The following NEDD4 variants were observed in gnomAD, a reference collection of about 807,000 sequenced individuals.
The protein encoded by NEDD4 is NEDD4 E3 ubiquitin protein ligase, also known as E3 ubiquitin-protein ligase NEDD4.
NEDD4 carries 99 observed loss-of-function variants against 144.9 expected under a neutral mutation model. The observed-to-expected ratio is 0.68, with a 90% confidence interval of 0.58 to 0.81. The LOEUF is 0.81. Ranked by LOEUF, NEDD4 falls within the 30% of genes least tolerant of loss-of-function variation. NEDD4 has a pLI of 0.00. For synonymous variants in NEDD4, 318 were observed against 350.6 expected (o/e 0.91, Z 1.04); for missense variants, 985 against 1,065.9 (o/e 0.92, Z 1.06).
intron 5 of NEDD4, among the ~76,000 whole-genome samples, chr15:55,887,858 A>G (rs1289965711): frequency 1.3e-5 from 2 of 152,258 alleles, no homozygotes; most frequent in Non-Finnish European, 2.9e-5. Flanking sequence ...GATACAACAC[A>G]TCAACAGAAT....
intron 4 of NEDD4, among the ~76,000 whole-genome samples, chr15:55,927,752 C>A (rs1198161541): frequency 6.6e-6 from 1 of 152,104 alleles, no homozygotes; most frequent in East Asian, 1.9e-4. Flanking sequence ...ATGAATTGGA[C>A]TGGAGACAGA....
At chr15:55,993,247 G>T (rs1471144622) in intron 1 of NEDD4, among the ~76,000 whole-genome samples, 1 of 152,148 alleles carries the variant, frequency 6.6e-6, no homozygotes, top group Non-Finnish European at 1.5e-5. Context: ...CTTCCTGAAG[G>T]AAACTGACAA....
rs571799816 is a variant in NEDD4 at position 55,866,467 on chromosome 15, G to A, written c.507+3112C>T. On this transcript the variant is annotated intron_variant, in intron 8 of 28. Coordinates refer to ENST00000435532, the MANE Select transcript of NEDD4 (RefSeq NM_006154.4). Reference sequence around the variant, plus strand: ...GTTTCTGGTTTCAATCCCAAAACACGTTAAGTTTTTATATTTTACTCTTTT... The same window carrying A: ...GTTTCTGGTTTCAATCCCAAAACACATTAAGTTTTTATATTTTACTCTTTT... Among the ~76,000 whole-genome samples, 7 of 151,770 alleles carry A rather than the reference G, an allele frequency of 4.6e-5. No homozygotes were observed. In the South Asian group the frequency reaches 8.3e-4, roughly 18 times the overall value.
intron 4 of NEDD4, among the ~76,000 whole-genome samples, chr15:55,942,159 C>T (rs760391997): frequency 7.2e-4 from 110 of 151,728 alleles, no homozygotes; most frequent in Non-Finnish European, 1.4e-3. Context: ...ATTTTGACTT[C>T]GTAATTTTAA....
At chr15:55,892,008 G>A (rs2035584297) in intron 5 of NEDD4, among the ~76,000 whole-genome samples, 1 of 152,102 alleles carries the variant, frequency 6.6e-6, no homozygotes, top group Non-Finnish European at 1.5e-5. Context: ...GCTCATGCCT[G>A]TAATCCTAAC....
intron 5 of NEDD4, chr15:55,915,768 A>G: frequency 2.5e-6 from 4 of 1,613,760 alleles, no homozygotes; most frequent in Non-Finnish European, 3.4e-6. Flanking sequence ...ATTCGAAAGA[A>G]CAATTTTCTT....
chr15:55,941,816 G>C (rs906227039), intron 4 of NEDD4, among the ~76,000 whole-genome samples: 2 of 152,048 alleles, frequency 1.3e-5, no homozygotes, highest in Non-Finnish European at 2.9e-5. Context: ...CAAGTGATAT[G>C]CCTGCATCGG....
At chr15:55,839,987 AAAAAAAAAAAAAATATATATATATAT>A (rs1417513292) in intron 21 of NEDD4, among the ~76,000 whole-genome samples, 12 of 51,360 alleles carry the variant, frequency 2.3e-4, no homozygotes, top group African/African-American at 8.7e-4. Context: ...AAAAAAAAAA[AAAAAAAAAAAAAATATATATATATAT>A]ATATATATAT....
chr15:55,860,647 G>A lies in NEDD4; in HGVS notation c.792+14C>T. The A allele has an allele frequency of 6.2e-7, 1 of 1,613,784 alleles. No homozygotes were observed. The highest frequency in any genetic ancestry group is 1.1e-5 in the South Asian group (1 of 91,054). On this transcript the variant is annotated intron_variant, in intron 10 of 28. Transcript: ENST00000435532. ...GCATGTGTCTTTCAAGGAGAACTAGGAAACTACTTATACCTCGGAAGACTC... is the reference window on the plus strand; with the variant it reads ...GCATGTGTCTTTCAAGGAGAACTAGAAAACTACTTATACCTCGGAAGACTC...
rs565669392 is a variant in NEDD4 at position 55,835,967 on chromosome 15, T to C, written c.2263-1681A>G. Reference sequence around the variant, plus strand: ...ACTCTACCACTTCACACACAGGCCCTGTATAAGCTGGTCTGTTAGCTCCGC... The same window carrying C: ...ACTCTACCACTTCACACACAGGCCCCGTATAAGCTGGTCTGTTAGCTCCGC... On this transcript the variant is annotated intron_variant, in intron 24 of 28. Transcript: ENST00000435532. Among the ~76,000 whole-genome samples, 56 of 152,060 alleles carry C rather than the reference T, an allele frequency of 3.7e-4. No individual in the cohort carries two copies. In the South Asian group the frequency reaches 8.7e-3, roughly 24 times the overall value.
At chr15:55,850,425 T>C in intron 14 of NEDD4, 117 bp downstream of exon 14, 1 of 931,418 alleles carries the variant, frequency 1.1e-6, no homozygotes, top group Non-Finnish European at 1.6e-6. Flanking sequence ...CAATATACCT[T>C]TCAATGAATA....
chr15:55,841,019 C>T (rs556031164), intron 19 of NEDD4, among the ~76,000 whole-genome samples: 21 of 116,242 alleles, frequency 1.8e-4, no homozygotes, highest in Admixed American at 7.7e-4. Context: ...CTGCAACCTC[C>T]GCCTCCCAGG....
intron 5 of NEDD4, among the ~76,000 whole-genome samples, chr15:55,902,310 T>C (rs189035779): frequency 6.6e-6 from 1 of 152,316 alleles, no homozygotes; most frequent in African/African-American, 2.4e-5. Flanking sequence ...ATCTTGAATT[T>C]TGTCAATACT....
chr15:55,898,718 T>C (rs898842126), intron 5 of NEDD4, among the ~76,000 whole-genome samples: 8 of 150,350 alleles, frequency 5.3e-5, no homozygotes, highest in Non-Finnish European at 1.0e-4. Context: ...TCAATGCAAC[T>C]TGGACTCCTG....
chr15:55,862,185 A>G (rs1368938804), intron 9 of NEDD4, among the ~76,000 whole-genome samples: 1 of 152,202 alleles, frequency 6.6e-6, no homozygotes, highest in Non-Finnish European at 1.5e-5. Flanking sequence ...TGCTTGGCAT[A>G]TATCAGGCAC....
intron 27 of NEDD4, 27 bp from the exon 28 acceptor site, chr15:55,830,613 A>T (rs770890186): frequency 1.3e-6 from 2 of 1,598,648 alleles, no homozygotes; most frequent in African/African-American, 2.7e-5. Flanking sequence ...ATTTGGTTTC[A>T]TTTACTCTCT....
chr15:55,924,461 T>G (rs1212504772), intron 5 of NEDD4, 185 bp downstream of exon 5: 1 of 564,900 alleles, frequency 1.8e-6, no homozygotes, highest in African/African-American at 1.9e-5. Flanking sequence ...GGGAGGAGAA[T>G]GGAAAGGGAG....
chr15:55,916,314 G>C, intron 5 of NEDD4: 1 of 1,613,978 alleles, frequency 6.2e-7, no homozygotes, highest in Non-Finnish European at 8.5e-7. Flanking sequence ...TGTGATACTT[G>C]CACATGACCC....
chr15:55,951,474 A>G (rs1356086722), intron 3 of NEDD4, 37 bp downstream of exon 3: 6 of 1,431,238 alleles, frequency 4.2e-6, no homozygotes. Flanking sequence ...AATAAAACAA[A>G]GTACATTAAA....
Sources: gnomAD v4.1 joint callset for allele counts (sites outside exome capture counted in the v4.1 genomes callset) on GRCh38, gnomAD v4.1.1 for gene constraint, MANE v1.5 for transcripts, NCBI Gene and HGNC (gene_info 2026-07-23, HGNC 2026-07-21) for gene names.